LMX1B: variants seen among roughly 807,000 people sequenced by gnomAD.
LMX1B encodes LIM homeobox transcription factor 1 beta, also known as LIM homeobox transcription factor 1-beta.
Under a neutral mutation model 51.4 loss-of-function variants are expected in LMX1B, and 12 were observed. The ratio of observed to expected loss-of-function variants is 0.23; its 90% CI spans 0.15 to 0.38. The LOEUF (loss-of-function observed/expected upper bound fraction) is 0.38, where lower values mean the gene tolerates loss of function less well. LMX1B is among the 10% of genes least tolerant of loss of function. The pLI is 1.00. For missense variants in LMX1B, 445 were observed against 571.1 expected (o/e 0.78, Z 2.25); for synonymous variants, 237 against 235.4 (o/e 1.01, Z -0.06).
At chr9:126,654,616 G>A (rs1158652059) in intron 2 of LMX1B, among the ~76,000 whole-genome samples, 1 of 152,198 alleles carries the variant, frequency 6.6e-6, no homozygotes, top group Non-Finnish European at 1.5e-5. Flanking sequence ...ACACATCCCA[G>A]AATGGAGCCT....
chr9:126,665,579 G>A (rs1319128150), intron 2 of LMX1B, among the ~76,000 whole-genome samples: 3 of 152,140 alleles, frequency 2.0e-5, no homozygotes, highest in Non-Finnish European at 4.4e-5. Flanking sequence ...AAGCGCCTCC[G>A]GTGTTCCTTC....
chr9:126,617,085 G>C (rs1025955969), intron 2 of LMX1B, among the ~76,000 whole-genome samples: 1 of 152,242 alleles, frequency 6.6e-6, no homozygotes, highest in African/African-American at 2.4e-5. Context: ...AGTTCCGGGA[G>C]AGGGAGACGC....
intron 2 of LMX1B, among the ~76,000 whole-genome samples, chr9:126,687,119 G>C (rs2029923583): frequency 1.3e-5 from 2 of 152,156 alleles, no homozygotes; most frequent in African/African-American, 4.8e-5. Flanking sequence ...AAAGAAATGT[G>C]GGGTACCTGG....
rs891414479 is a variant in LMX1B, at chr9:126,673,577, G to T, written c.327-17259G>T. Among the ~76,000 whole-genome samples, 7 of 152,228 alleles carry T rather than the reference G, an allele frequency of 4.6e-5. No individual in the cohort carries two copies. In the East Asian group the frequency reaches 9.7e-4, roughly 21 times the overall value. On this transcript the variant is annotated intron_variant, in intron 2 of 7. Coordinates refer to ENST00000373474, the MANE Select transcript of LMX1B (RefSeq NM_001174147.2). This position sits in a 1 kb window ranked among gnomAD's most constrained non-coding sequence, Gnocchi z 4.4. The stretch of plus-strand genomic sequence containing the variant: ...CATGAGGCCACGGGGTTTTTGAGGG[G>T]GTGGTTCCCCAGGCACCCAGCTTCA...
At chr9:126,622,778 G>T (rs1835441532) in intron 2 of LMX1B, among the ~76,000 whole-genome samples, 1 of 152,226 alleles carries the variant, frequency 6.6e-6, no homozygotes. Flanking sequence ...GAGGGGTCCT[G>T]GGTGGGGCAC....
chr9:126,681,150 G>T (rs1836662839), intron 2 of LMX1B, among the ~76,000 whole-genome samples: 1 of 152,212 alleles, frequency 6.6e-6, no homozygotes. Flanking sequence ...CCCTGTAGCA[G>T]TGTGTCTGTG....
chr9:126,652,575 C>T (rs1564155706), intron 2 of LMX1B, among the ~76,000 whole-genome samples: 1 of 152,246 alleles, frequency 6.6e-6, no homozygotes, highest in Non-Finnish European at 1.5e-5. Context: ...GTGTACACAT[C>T]TCCAGGCCAG....
In LMX1B at chr9:126,625,293, G is replaced by C. The variant is rs1027646208; in HGVS notation, c.326+9724G>C. ...GGGCGGGGGAAGGGGTGGTTTTGCG[G>C]GTGCCTTAATTGGCAGCGTCTGGAA... is the stretch of plus-strand genomic sequence containing the variant. On this transcript the variant is annotated intron_variant, in intron 2 of 7. Coordinates refer to ENST00000373474, the MANE Select transcript of LMX1B (RefSeq NM_001174147.2). This position sits in a 1 kb window ranked among gnomAD's most constrained non-coding sequence, Gnocchi z 5.3. Among the ~76,000 whole-genome samples, 1 of 152,216 alleles carries C rather than the reference G, an allele frequency of 6.6e-6. No individual in the cohort carries two copies. The highest frequency in any genetic ancestry group is 2.4e-5 in the African/African-American group (1 of 41,450).
chr9:126,614,991 G>A (rs1311437838), intron 1 of LMX1B, among the ~76,000 whole-genome samples: 2 of 152,176 alleles, frequency 1.3e-5, no homozygotes, highest in Non-Finnish European at 2.9e-5. Flanking sequence ...TGGGGAGATC[G>A]GGGATAGAAG....
chr9:126,682,372 T>C (rs941046097), intron 2 of LMX1B, among the ~76,000 whole-genome samples: 17 of 152,104 alleles, frequency 1.1e-4, no homozygotes, highest in Admixed American at 2.6e-4. Flanking sequence ...CCCATCTCTC[T>C]TCCCTGTCTT....
rs756003941 is a variant in LMX1B, at chr9:126,695,896, C to T, written c.944C>T (p.Pro315Leu). ...GCTTCCTACACGCCGCTGGCCCCAC[C>T]ACAGCAGCAGATCGTGGCCATGGAA... ...MMASYTPLAP[P>L]QQQIVAMEQS... is the part of the protein sequence containing the mutation. The change falls in exon 7 of 8, where the codon CCA (proline) becomes CTA (leucine). Residue 315 changes from proline to leucine, a missense_variant. Pro to Leu is a moderately conservative substitution (Grantham distance 98, BLOSUM62 -3). Around this residue, in one of 3 missense-constraint regions of LMX1B, gnomAD observed 162 missense variants for 187.8 expected, o/e 0.86. Coordinates refer to ENST00000373474, the MANE Select transcript of LMX1B (RefSeq NM_001174147.2). This position sits in a 1 kb window ranked among gnomAD's most constrained non-coding sequence, Gnocchi z 5.2. 1 of 1,613,386 alleles carries T rather than the reference C, an allele frequency of 6.2e-7. No homozygotes were observed. Among genetic ancestry groups the T allele is most frequent in the Admixed American group, 1.7e-5 (1 of 60,004 alleles).
Position 126,626,927 on chromosome 9 carries a change from G to C in LMX1B, c.326+11358G>C, listed in dbSNP as rs540276864. Among the ~76,000 whole-genome samples the C allele has an allele frequency of 6.6e-6, 1 of 152,330 alleles. No homozygotes were observed. The highest frequency in any genetic ancestry group is 2.1e-4 in the South Asian group (1 of 4,828). On this transcript the variant is annotated intron_variant, in intron 2 of 7. Transcript: ENST00000373474. This position sits in a 1 kb window ranked among gnomAD's most constrained non-coding sequence, Gnocchi z 4.3. ...AGATGGTTCCTATCAGCCCGGCCGG[G>C]CCCGCAGCGTCCGCCGGTCCGTCCG...
At chr9:126,683,750 G>A (rs539460756) in intron 2 of LMX1B, among the ~76,000 whole-genome samples, 6 of 152,350 alleles carry the variant, frequency 3.9e-5, no homozygotes, top group African/African-American at 1.4e-4. Flanking sequence ...TTACCCATAA[G>A]GTGGGAATTG....
At chr9:126,665,929 G>C (rs1441937006) in intron 2 of LMX1B, among the ~76,000 whole-genome samples, 2 of 152,248 alleles carry the variant, frequency 1.3e-5, no homozygotes, top group Non-Finnish European at 2.9e-5. Context: ...CCAGAACCCA[G>C]CAGGCAGCAT....
intron 6 of LMX1B, among the ~76,000 whole-genome samples, chr9:126,694,344 G>A (rs2030252826): frequency 6.6e-6 from 1 of 152,180 alleles, no homozygotes; most frequent in African/African-American, 2.4e-5. Context: ...TCAGCCCCAA[G>A]CCTGGAGCTC....
At position 126,618,179 on chromosome 9, in the gene LMX1B, C is replaced by A. The variant is rs1181661537; in HGVS notation, c.326+2610C>A. Reference sequence around the variant, plus strand: ...TGATATTGTCGAGTCTGTGCGTCAGCGGTATTGAGAAATTAACAATCCCCC... The same window carrying A: ...TGATATTGTCGAGTCTGTGCGTCAGAGGTATTGAGAAATTAACAATCCCCC... On this transcript the variant is annotated intron_variant, in intron 2 of 7. Transcript: ENST00000373474. This position sits in a 1 kb window ranked among gnomAD's most constrained non-coding sequence, Gnocchi z 4.5. Among the ~76,000 whole-genome samples, 2 of 152,092 alleles carry A rather than the reference C, an allele frequency of 1.3e-5. No homozygotes were observed. The highest frequency in any genetic ancestry group is 3.8e-4 in the East Asian group (2 of 5,200).
intron 2 of LMX1B, among the ~76,000 whole-genome samples, chr9:126,652,361 C>T (rs765517173): frequency 1.3e-5 from 2 of 152,166 alleles, no homozygotes; most frequent in Non-Finnish European, 2.9e-5. Context: ...GAAGGGCTCC[C>T]GTTCAAAGGC....
At position 126,696,016 on chromosome 9, in the gene LMX1B, A is replaced by ACCCAC; in HGVS notation, c.1051+16_1051+17insACCCC. 1 of 1,512,704 alleles carries ACCCAC rather than the reference A, an allele frequency of 6.6e-7. No individual in the cohort carries two copies. The highest frequency in any genetic ancestry group is 8.8e-7 in the Non-Finnish European group (1 of 1,131,798). 93.7% of individuals were successfully genotyped at this position (1,512,704 alleles called of 1,614,324 possible). ...ATGAACCCCTATGGTAAGCCGCCCT[A>ACCCAC]CCCCCACCCGCCCGCCCCAGCACAG... On this transcript the variant is annotated intron_variant, in intron 7 of 7. Transcript: ENST00000373474.
intron 2 of LMX1B, among the ~76,000 whole-genome samples, chr9:126,632,746 A>G (rs969678253): frequency 6.6e-6 from 1 of 152,182 alleles, no homozygotes; most frequent in Admixed American, 6.5e-5. Context: ...TGCCTGGCTA[A>G]GGCCTTGAGG....
Sources: allele counts gnomAD v4.1 joint callset (sites outside exome capture counted in the v4.1 genomes callset), GRCh38; gene constraint gnomAD v4.1.1; regional missense constraint gnomAD v4.1.1; non-coding constraint Gnocchi (gnomAD v3.1); transcripts MANE v1.5; gene names NCBI Gene and HGNC (gene_info 2026-07-23, HGNC 2026-07-21).